The following PLEKHG6 variants were observed in gnomAD, a reference collection of about 807,000 sequenced individuals.
The protein encoded by PLEKHG6 is pleckstrin homology and RhoGEF domain containing G6, also known as pleckstrin homology domain-containing family G member 6.
In PLEKHG6, 91 loss-of-function variants were observed where a neutral mutation model predicts 97.5. That is an observed-to-expected ratio of 0.93 (90% confidence interval 0.79 to 1.11). The LOEUF (loss-of-function observed/expected upper bound fraction) is 1.11. PLEKHG6 is among the 50% of genes most tolerant of loss of function. The pLI, the probability that PLEKHG6 is intolerant of heterozygous loss-of-function variation, is 0.00. For synonymous variants in PLEKHG6, 466 were observed against 425.5 expected (o/e 1.10, Z -1.17); for missense variants, 1,044 against 1,031.0 (o/e 1.01, Z -0.17).
At position 6,316,052 on chromosome 12, in the gene PLEKHG6, C is replaced by A; in HGVS notation, c.606+133C>A. On this transcript the variant is annotated intron_variant, in intron 6 of 15. Transcript: ENST00000684764. The surrounding 1 kb of genome is among the most constrained non-coding windows in gnomAD (Gnocchi z 4.1). ...TGGGATGCCTTGCCCTCCCTACTTC[C>A]CTGTTACTGGGGACTCCAAGCAGGC... The A allele has an allele frequency of 1.1e-6, 1 of 948,848 alleles. No homozygotes were observed. Among genetic ancestry groups the A allele is most frequent in the Non-Finnish European group, 1.6e-6 (1 of 638,828 alleles). The allele number at this position is 948,848 out of a possible 1,614,324, so 58.8% of individuals were successfully genotyped here.
Position 6,313,791 on chromosome 12 carries a change from G to C in PLEKHG6, c.294+7G>C. 6.4e-7 allele frequency: 1 copy of C among 1,561,810 alleles called. No individual in the cohort carries two copies. The highest frequency in any genetic ancestry group is 8.7e-7 in the Non-Finnish European group (1 of 1,155,154). Reference sequence around the variant, plus strand: ...TCACTCCCCCAAACTCAAGGTAAGGGGGTCCCTCTCCTCCCATCCCCACAC... The same window carrying C: ...TCACTCCCCCAAACTCAAGGTAAGGCGGTCCCTCTCCTCCCATCCCCACAC... On this transcript the variant is annotated splice_region_variant and intron_variant, in intron 3 of 15. Coordinates refer to ENST00000684764, the MANE Select transcript of PLEKHG6 (RefSeq NM_001384598.1).
In PLEKHG6 at chr12:6,318,736, C is replaced by A. The variant is rs746113589; in HGVS notation, c.1276-9C>A. 1 of 1,613,390 alleles carries A rather than the reference C, an allele frequency of 6.2e-7. No homozygotes were observed. The highest frequency in any genetic ancestry group is 2.2e-5 in the East Asian group (1 of 44,862). On this transcript the variant is annotated splice_polypyrimidine_tract_variant and intron_variant, in intron 11 of 15. Transcript: ENST00000684764. ...ACCCTGTCTCTTTCCCCTACGCCCC[C>A]ACCCCCAGCTGGACGTGTACCTGTT... is the stretch of plus-strand genomic sequence containing the variant.
In PLEKHG6 at chr12:6,327,624, G is replaced by A; in HGVS notation, c.2041G>A (p.Val681Met). Residue 681 changes from valine to methionine, a missense_variant, in exon 15 of 16, where the codon GTG (valine) becomes ATG (methionine). By Grantham distance (21) the Val-to-Met change is conservative. Coordinates refer to ENST00000684764, the MANE Select transcript of PLEKHG6 (RefSeq NM_001384598.1). ...TGGGGCCTCCGAGCGAGGGAATGTG[G>A]TGGTGGAAACACTCCACAGGGCCCG... ...EDGASERGNV[V>M]VETLHRARLR... 1 of 1,578,034 alleles carries A rather than the reference G, an allele frequency of 6.3e-7. No individual in the cohort carries two copies. The highest frequency in any genetic ancestry group is 8.6e-7 in the Non-Finnish European group (1 of 1,161,456).
At position 6,317,360 on chromosome 12, in the gene PLEKHG6, G is replaced by A. The variant is rs761757324; in HGVS notation, c.814G>A (p.Ala272Thr). ...CTGCCTCCGAGTGAAGCAGACCATGGCTTACGCCCGAGAACAGCAAGAAAC... is the reference window on the plus strand; with the variant it reads ...CTGCCTCCGAGTGAAGCAGACCATGACTTACGCCCGAGAACAGCAAGAAAC... ...QYCLRVKQTM[A>T]YAREQQETNP... The change falls in exon 8 of 16, where the codon GCT becomes ACT. Residue 272 changes from alanine to threonine, a missense_variant. Ala to Thr is a moderately conservative substitution (Grantham distance 58). Transcript: ENST00000684764. 6.2e-7 allele frequency: 1 copy of A among 1,614,088 alleles called. No individual in the cohort carries two copies. The highest frequency in any genetic ancestry group is 8.5e-7 in the Non-Finnish European group (1 of 1,180,002).
At chr12:6,320,483 C>T (rs1947666788) in intron 13 of PLEKHG6, among the ~76,000 whole-genome samples, 1 of 151,274 alleles carries the variant, frequency 6.6e-6, no homozygotes, top group Non-Finnish European at 1.5e-5. Flanking sequence ...CCAGGCGTTC[C>T]GTGGCTTGTG....
rs1238558451 is a variant in PLEKHG6 at position 6,316,280 on chromosome 12, A to T, written c.632A>T (p.Asn211Ile). The T allele has an allele frequency of 5.8e-6, 9 of 1,554,488 alleles. No homozygotes were observed. In the African/African-American group the frequency reaches 9.5e-5, roughly 16 times the overall value. Residue 211 changes from asparagine (N) to isoleucine (I), a missense_variant, in exon 7 of 16, where the codon AAT becomes ATT. Coordinates refer to ENST00000684764, the MANE Select transcript of PLEKHG6 (RefSeq NM_001384598.1). The surrounding 1 kb of genome is among the most constrained non-coding windows in gnomAD (Gnocchi z 4.1). Reference sequence around the variant, plus strand: ...GTGTCAGCTGAGACCCTGTTTGGAAATGTCCCCAGCCTGATTCGAACCCAC... The same window carrying T: ...GTGTCAGCTGAGACCCTGTTTGGAATTGTCCCCAGCCTGATTCGAACCCAC... ...MEVSAETLFG[N>I]VPSLIRTHRS...
At position 6,328,378 on chromosome 12, in the gene PLEKHG6, G is replaced by A; in HGVS notation, c.*233G>A. ...TGCATAAAAATGACTGCCCTGGCTG[G>A]GCATGGCTGCCTGTAATCCCAGCAC... On this transcript the variant is annotated 3_prime_UTR_variant, in exon 16 of 16. Coordinates refer to ENST00000684764, the MANE Select transcript of PLEKHG6 (RefSeq NM_001384598.1). The A allele has an allele frequency of 2.0e-6, 1 of 511,850 alleles. No homozygotes were observed. Among genetic ancestry groups the A allele is most frequent in the Non-Finnish European group, 3.5e-6 (1 of 288,464 alleles). 31.7% of individuals were successfully genotyped at this position (511,850 alleles called of 1,614,324 possible). A position where few individuals can be genotyped will look rare whatever the true frequency, so the allele number is the denominator to read the frequency against.
At position 6,315,755 on chromosome 12, in the gene PLEKHG6, G is replaced by C; in HGVS notation, c.555+106G>C. The stretch of plus-strand genomic sequence containing the variant: ...GGGGGAGGGAGGGGCAGGATTTCAG[G>C]CCAGTCTGGGATGCAGGGAGATAGG... On this transcript the variant is annotated intron_variant, in intron 5 of 15. Transcript: ENST00000684764. This position sits in a 1 kb window ranked among gnomAD's most constrained non-coding sequence, Gnocchi z 4.5. The C allele has an allele frequency of 8.2e-7, 1 of 1,226,210 alleles. No homozygotes were observed. Among genetic ancestry groups the C allele is most frequent in the Non-Finnish European group, 1.2e-6 (1 of 868,594 alleles). 76.0% of individuals were successfully genotyped at this position (1,226,210 alleles called of 1,614,324 possible).
chr12:6,317,495 C>G, intron 8 of PLEKHG6, 52 bp from the exon 9 acceptor site: 2 of 1,612,088 alleles, frequency 1.2e-6, no homozygotes, highest in Admixed American at 3.3e-5. Context: ...GAGTTCACCA[C>G]TAGGCAGGGC....
chr12:6,313,541 T>C, intron 2 of PLEKHG6, 88 bp from the exon 3 acceptor site: 3 of 1,491,176 alleles, frequency 2.0e-6, no homozygotes, highest in South Asian at 2.4e-5. Context: ...GGGAACAACA[T>C]CTAGAGCCAA....
At chr12:6,327,048 A>G (rs1947883560) in intron 14 of PLEKHG6, among the ~76,000 whole-genome samples, 1 of 152,216 alleles carries the variant, frequency 6.6e-6, no homozygotes, top group African/African-American at 2.4e-5. Flanking sequence ...ACCAGATGCT[A>G]TGGATAAAAC....
chr12:6,317,240 A>C, intron 7 of PLEKHG6, 63 bp from the exon 8 acceptor site: 1 of 1,054,536 alleles, frequency 9.5e-7, no homozygotes, highest in Non-Finnish European at 1.5e-6. Flanking sequence ...TCCTGCAGCT[A>C]GAGCCTGTAT....
rs765997985 is a variant in PLEKHG6 at position 6,317,377 on chromosome 12, G to A, written c.831G>A (p.Gln277=). ...AGACCATGGCTTACGCCCGAGAACA[G>A]CAAGAAACTAACCCTCTCTTCCATG... ...VKQTMAYARE[Q]QETNPLFHAF... Residue 277 remains glutamine (Q), a synonymous_variant, in exon 8 of 16, where the codon CAG becomes CAA. Transcript: ENST00000684764. 54 of 1,613,992 alleles carry A rather than the reference G, an allele frequency of 3.3e-5. No individual in the cohort carries two copies. Among genetic ancestry groups the A allele is most frequent in the Non-Finnish European group, 4.4e-5 (52 of 1,179,994 alleles).
At chr12:6,321,640 C>T (rs1199209447) in intron 13 of PLEKHG6, among the ~76,000 whole-genome samples, 3 of 151,660 alleles carry the variant, frequency 2.0e-5, no homozygotes, top group African/African-American at 7.3e-5. Context: ...AGATTGAGAC[C>T]ACGGTGAAAC....
chr12:6,316,496 CTG>C lies in PLEKHG6; in HGVS notation c.756+95_756+96del. The C allele has an allele frequency of 7.9e-7, 1 of 1,267,178 alleles. No individual in the cohort carries two copies. Among genetic ancestry groups the C allele is most frequent in the Admixed American group, 2.8e-5 (1 of 36,206 alleles). The allele number at this position is 1,267,178 out of a possible 1,614,324, so 78.5% of individuals were successfully genotyped here. On this transcript the variant is annotated intron_variant, in intron 7 of 15. Transcript: ENST00000684764. The surrounding 1 kb of genome is among the most constrained non-coding windows in gnomAD (Gnocchi z 4.1). ...GGGCATGCCCACAGTATGCAAATCT[CTG>C]TGATTTGAGGGGCCGCAGGACACAG...
chr12:6,320,142 G>C (rs938711595), intron 13 of PLEKHG6, among the ~76,000 whole-genome samples: 4 of 152,170 alleles, frequency 2.6e-5, no homozygotes, highest in African/African-American at 9.7e-5. Context: ...GAGAGGCTAG[G>C]GGGTAGGTGC....
chr12:6,312,088 GC>G, intron 1 of PLEKHG6, 70 bp from the exon 2 acceptor site: 2 of 634,962 alleles, frequency 3.1e-6, no homozygotes, highest in Non-Finnish European at 4.9e-6. Context: ...CCCCCTACCA[GC>G]CTTGGTCTCC....
chr12:6,326,352 C>T (rs2136790955), intron 13 of PLEKHG6, 76 bp from the exon 14 acceptor site: 2 of 974,100 alleles, frequency 2.1e-6, no homozygotes, highest in Non-Finnish European at 3.3e-6. Context: ...ATATGTAACG[C>T]ACTTAGCAGG....
intron 13 of PLEKHG6, among the ~76,000 whole-genome samples, chr12:6,321,020 T>TC (rs1211295245): frequency 2.7e-5 from 4 of 147,966 alleles, no homozygotes; most frequent in Non-Finnish European, 5.9e-5. Flanking sequence ...CACCGTGAAT[T>TC]CTTTTTTTTT....
Sources: allele counts gnomAD v4.1 joint callset (sites outside exome capture counted in the v4.1 genomes callset), GRCh38; gene constraint gnomAD v4.1.1; non-coding constraint Gnocchi (gnomAD v3.1); transcripts MANE v1.5; gene names NCBI Gene and HGNC (gene_info 2026-07-23, HGNC 2026-07-21).